The following CTNND2 variants were observed in gnomAD, a reference collection of about 807,000 sequenced individuals.
CTNND2 encodes catenin delta-2.
Under a neutral mutation model 144.4 loss-of-function variants are expected in CTNND2, and 22 were observed. That is an observed-to-expected ratio of 0.15 (90% CI 0.11 to 0.22). The LOEUF (loss-of-function observed/expected upper bound fraction) is 0.22. Ranked by LOEUF, CTNND2 falls within the 10% of genes least tolerant of loss-of-function variation. The pLI is 1.00. For missense variants in CTNND2, 1,353 were observed against 1,618.8 expected (o/e 0.84, Z 2.82); for synonymous variants, 751 against 695.6 (o/e 1.08, Z -1.25).
intron 3 of CTNND2, among the ~76,000 whole-genome samples, chr5:11,557,175 A>T (rs903940379): frequency 1.3e-5 from 2 of 152,194 alleles, no homozygotes; most frequent in Non-Finnish European, 2.9e-5. Flanking sequence ...ATTACAAAGC[A>T]TTGTATTACT....
chr5:11,221,604 T>C (rs1436469434), intron 10 of CTNND2, among the ~76,000 whole-genome samples: 4 of 152,230 alleles, frequency 2.6e-5, no homozygotes, highest in Non-Finnish European at 5.9e-5. Context: ...CCTTATAATC[T>C]ATGCATGGAC....
rs779262763 is a variant in CTNND2, at chr5:11,236,762, G to A, written c.1690C>T (p.Pro564Ser). ...EVIQMLQHQF[P>S]SVQSNAAAYL... The stretch of plus-strand genomic sequence containing the variant: ...GCTGCCGCGTTAGACTGGACCGAGG[G>A]AAACTGGTGCTGCAACATCTGAATC... The change falls in exon 10 of 22, where the codon CCC becomes TCC. Residue 564 changes from proline to serine, a missense_variant. Around this residue, in one of 4 missense-constraint regions of CTNND2, gnomAD observed 69 missense variants for 120.3 expected, o/e 0.57. Coordinates refer to ENST00000304623, the MANE Select transcript of CTNND2 (RefSeq NM_001332.4). 5 of 1,614,146 alleles carry A rather than the reference G, an allele frequency of 3.1e-6. No individual in the cohort carries two copies. The East Asian group carries it at 1.1e-4, about 36-fold the overall frequency.
chr5:11,150,592 G>A (rs1757663218), intron 12 of CTNND2, among the ~76,000 whole-genome samples: 1 of 150,966 alleles, frequency 6.6e-6, no homozygotes, highest in South Asian at 2.1e-4. Context: ...GGTGGCAGGT[G>A]GTGAGGCCTC....
chr5:11,260,320 T>C (rs1041282932), intron 9 of CTNND2, among the ~76,000 whole-genome samples: 1 of 152,226 alleles, frequency 6.6e-6, no homozygotes, highest in Non-Finnish European at 1.5e-5. Context: ...AAATTGCCAC[T>C]GTAATGTATA....
intron 16 of CTNND2, among the ~76,000 whole-genome samples, chr5:11,074,743 T>C (rs1346616371): frequency 6.6e-6 from 1 of 152,190 alleles, no homozygotes; most frequent in Non-Finnish European, 1.5e-5. Context: ...GGAAGGAGTA[T>C]TGTAATTCTA....
chr5:11,836,368 C>G (rs1399502705), intron 1 of CTNND2, among the ~76,000 whole-genome samples: 2 of 152,144 alleles, frequency 1.3e-5, no homozygotes, highest in Non-Finnish European at 2.9e-5. Flanking sequence ...GAACCACATA[C>G]TACTCTTTGA....
intron 9 of CTNND2, among the ~76,000 whole-genome samples, chr5:11,251,618 A>G (rs955155458): frequency 2.1e-4 from 32 of 152,226 alleles, no homozygotes; most frequent in African/African-American, 7.2e-4. Context: ...ACCTTGGCAT[A>G]TAGTTTGGAA....
intron 16 of CTNND2, among the ~76,000 whole-genome samples, chr5:11,034,658 C>A (rs1743868320): frequency 6.6e-6 from 1 of 152,190 alleles, no homozygotes; most frequent in African/African-American, 2.4e-5. Context: ...TGCACACAGG[C>A]AACTGTCTCC....
chr5:11,616,051 C>T (rs1780564036), intron 2 of CTNND2, among the ~76,000 whole-genome samples: 1 of 152,204 alleles, frequency 6.6e-6, no homozygotes, highest in Non-Finnish European at 1.5e-5. Context: ...ACTTCTCTCT[C>T]TTGGTTTATG....
intron 9 of CTNND2, among the ~76,000 whole-genome samples, chr5:11,342,438 G>A (rs1360561063): frequency 6.6e-6 from 1 of 152,182 alleles, no homozygotes; most frequent in Non-Finnish European, 1.5e-5. Flanking sequence ...TTAAAAATGT[G>A]CCATTGTATG....
chr5:11,675,908 T>G (rs997534096), intron 2 of CTNND2, among the ~76,000 whole-genome samples: 1 of 151,686 alleles, frequency 6.6e-6, no homozygotes, highest in African/African-American at 2.4e-5. Flanking sequence ...GATATTTGTA[T>G]ATGCTTCATG....
intron 1 of CTNND2, among the ~76,000 whole-genome samples, chr5:11,849,107 C>A (rs1794892034): frequency 6.6e-6 from 1 of 152,154 alleles, no homozygotes; most frequent in Non-Finnish European, 1.5e-5. Flanking sequence ...AATGGACTCA[C>A]AGTTCCACAT....
intron 9 of CTNND2, among the ~76,000 whole-genome samples, chr5:11,277,518 A>C (rs538410029): frequency 1.4e-5 from 2 of 147,692 alleles, no homozygotes; most frequent in South Asian, 4.3e-4. Context: ...TTATTTATTT[A>C]TTTATTTATT....
chr5:11,569,429 G>T (rs1423441619), intron 2 of CTNND2, among the ~76,000 whole-genome samples: 1 of 151,994 alleles, frequency 6.6e-6, no homozygotes, highest in Non-Finnish European at 1.5e-5. Flanking sequence ...AATACATTAG[G>T]ATTATTATAA....
intron 1 of CTNND2, among the ~76,000 whole-genome samples, chr5:11,881,967 G>T (rs1736150781): frequency 6.6e-6 from 1 of 151,946 alleles, no homozygotes. Flanking sequence ...GTTTCAACTT[G>T]AATTTCCCTG....
intron 10 of CTNND2, among the ~76,000 whole-genome samples, chr5:11,225,675 C>T (rs1740255859): frequency 6.6e-6 from 1 of 152,160 alleles, no homozygotes; most frequent in South Asian, 2.1e-4. Context: ...TGTGATCCAA[C>T]CCTGGGATAT....
intron 2 of CTNND2, among the ~76,000 whole-genome samples, chr5:11,719,876 A>ACACC (rs1016017967): frequency 3.5e-5 from 5 of 144,196 alleles, no homozygotes; most frequent in South Asian, 4.5e-4. Context: ...ACACACACAC[A>ACACC]CCACAGATCC....
chr5:11,740,760 A>G (rs1406283590), intron 1 of CTNND2, among the ~76,000 whole-genome samples: 1 of 152,204 alleles, frequency 6.6e-6, no homozygotes, highest in Non-Finnish European at 1.5e-5. Context: ...GGCAACCTAC[A>G]GACTGGGAGA....
chr5:11,207,703 G>C (rs1055555244), intron 10 of CTNND2, among the ~76,000 whole-genome samples: 45 of 152,220 alleles, frequency 3.0e-4, no homozygotes, highest in African/African-American at 1.0e-3. Flanking sequence ...CTTTGTTATT[G>C]GCTTTAGCTT....
Sources: gnomAD v4.1 joint callset for allele counts (sites outside exome capture counted in the v4.1 genomes callset) on GRCh38, gnomAD v4.1.1 for gene constraint, gnomAD v4.1.1 regional missense constraint, MANE v1.5 for transcripts, NCBI Gene and HGNC (gene_info 2026-07-23, HGNC 2026-07-21) for gene names.